AQP9: variants seen among roughly 807,000 people sequenced by gnomAD.
AQP9 encodes the protein aquaporin-9.
Under a neutral mutation model 23.8 loss-of-function variants are expected in AQP9, and 19 were observed. That is an observed-to-expected ratio of 0.80 (90% CI 0.56 to 1.17). The LOEUF (loss-of-function observed/expected upper bound fraction) is 1.17, where lower values mean the gene tolerates loss of function less well. AQP9 is among the 50% of genes most tolerant of loss of function. AQP9 has a pLI of 0.00. For synonymous variants in AQP9, 153 were observed against 131.5 expected, an observed-to-expected ratio of 1.16 and a Z score of -1.12; for missense variants, 413 against 362.0, an observed-to-expected ratio of 1.14 and a Z score of -1.14.
At chr15:58,169,508 G>A (rs1228461612) in intron 2 of AQP9, among the ~76,000 whole-genome samples, 1 of 152,136 alleles carries the variant, frequency 6.6e-6, no homozygotes, top group Non-Finnish European at 1.5e-5. Flanking sequence ...GATTGTGTGT[G>A]GGAGGTGACT....
At chr15:58,153,911 T>C (rs1447750476) in intron 1 of AQP9, 1 of 152,140 alleles carries the variant, frequency 6.6e-6, no homozygotes, top group Non-Finnish European at 1.5e-5. Context: ...CTGATTATTA[T>C]TAACAGAAAT....
At chr15:58,143,504 T>A (rs750978823) in intron 1 of AQP9, among the ~76,000 whole-genome samples, 3 of 152,224 alleles carry the variant, frequency 2.0e-5, no homozygotes, top group Non-Finnish European at 2.9e-5. Flanking sequence ...AGCAAGTGTG[T>A]GGTGGAGCTG....
intron 2 of AQP9, among the ~76,000 whole-genome samples, chr15:58,171,528 G>GGCTAGTGTACTGCAGTACACTAGCA (rs1898621538): frequency 6.6e-6 from 1 of 152,144 alleles, no homozygotes; most frequent in Non-Finnish European, 1.5e-5. Flanking sequence ...AGCCTTCCCT[G>GGCTAGTGTACTGCAGTACACTAGCA]GTAAGGTGTA....
intron 1 of AQP9, among the ~76,000 whole-genome samples, chr15:58,150,055 C>G (rs571400806): frequency 2.0e-5 from 3 of 152,310 alleles, no homozygotes; most frequent in African/African-American, 7.2e-5. Flanking sequence ...TCTTCCCAGA[C>G]CTTAAGACAG....
chr15:58,138,515 C>T lies in AQP9; in HGVS notation c.-51C>T. On this transcript the variant is annotated 5_prime_UTR_variant, in exon 1 of 6. Transcript: ENST00000219919. The stretch of plus-strand genomic sequence containing the variant: ...TTTCATCTGGCTGTGAAAGTGAGGA[C>T]CACAACAGGTAGGTATTGGTAGAAA... 6.8e-7 allele frequency: 1 copy of T among 1,477,900 alleles called. No homozygotes were observed. Among genetic ancestry groups the T allele is most frequent in the Non-Finnish European group, 9.4e-7 (1 of 1,069,088 alleles). 91.5% of individuals were successfully genotyped at this position (1,477,900 alleles called of 1,614,324 possible).
At chr15:58,161,113 G>A (rs972495681) in intron 1 of AQP9, among the ~76,000 whole-genome samples, 1 of 152,130 alleles carries the variant, frequency 6.6e-6, no homozygotes, top group African/African-American at 2.4e-5. Flanking sequence ...GCTTCATCTG[G>A]CATGGTCTCT....
intron 1 of AQP9, chr15:58,146,882 G>A (rs1898055358): frequency 6.6e-6 from 1 of 152,232 alleles, no homozygotes; most frequent in Middle Eastern, 3.2e-3. Flanking sequence ...TCTCCCAACT[G>A]TGACCGTAAA....
rs60401526 is a variant in AQP9 at position 58,143,832 on chromosome 15, C to T, written c.111+5156C>T. ...ACATGTCTCCTTGTACACATGTTCA[C>T]GAGTTTCTCTGGAGTATATACCTAG... On this transcript the variant is annotated intron_variant, in intron 1 of 5. Coordinates refer to ENST00000219919, the MANE Select transcript of AQP9 (RefSeq NM_020980.5). Among the ~76,000 whole-genome samples, 4 of 152,202 alleles carry T rather than the reference C, an allele frequency of 2.6e-5. No homozygotes were observed. The East Asian group carries it at 5.8e-4, about 22-fold the overall frequency.
intron 1 of AQP9, among the ~76,000 whole-genome samples, chr15:58,144,192 A>T (rs186973244): frequency 5.5e-4 from 83 of 151,874 alleles, no homozygotes; most frequent in Middle Eastern, 3.4e-3. Context: ...TTGTTATAGG[A>T]TATTTATATT....
intron 4 of AQP9, among the ~76,000 whole-genome samples, chr15:58,178,370 C>T (rs917898660): frequency 3.3e-5 from 5 of 152,062 alleles, no homozygotes; most frequent in African/African-American, 7.2e-5. Flanking sequence ...GTAAAAGCTT[C>T]CAGTTTTTCA....
chr15:58,156,583 A>G (rs1275705659), intron 1 of AQP9, among the ~76,000 whole-genome samples: 1 of 152,224 alleles, frequency 6.6e-6, no homozygotes, highest in South Asian at 2.1e-4. Context: ...CTCGCAGCCC[A>G]GTAACCACAG....
intron 3 of AQP9, among the ~76,000 whole-genome samples, chr15:58,173,995 T>C (rs1200719310): frequency 6.6e-6 from 1 of 152,030 alleles, no homozygotes; most frequent in Non-Finnish European, 1.5e-5. Context: ...AAATGGGTCA[T>C]GGAGGGCTGG....
Position 58,138,612 on chromosome 15 carries a change from T to C in AQP9, c.47T>C (p.Leu16Pro), listed in dbSNP as rs1259505160. The change falls in exon 1 of 6, where the codon CTG becomes CCG. Residue 16 changes from leucine (L) to proline (P), a missense_variant. Leu to Pro is a moderately conservative substitution (Grantham distance 98). Coordinates refer to ENST00000219919, the MANE Select transcript of AQP9 (RefSeq NM_020980.5). ...AEKGKSFKQR[L>P]VLKSSLAKET... Reference sequence around the variant, plus strand: ...AAGGGAAAAAGCTTCAAGCAGAGACTGGTCTTGAAGAGCAGCTTAGCGAAA... The same window carrying C: ...AAGGGAAAAAGCTTCAAGCAGAGACCGGTCTTGAAGAGCAGCTTAGCGAAA... The C allele has an allele frequency of 1.2e-6, 2 of 1,613,904 alleles. 1 individual carries two copies. Among genetic ancestry groups the C allele is most frequent in the Non-Finnish European group, 1.7e-6 (2 of 1,179,846 alleles).
intron 1 of AQP9, among the ~76,000 whole-genome samples, chr15:58,166,453 T>C (rs1417466539): frequency 1.3e-5 from 2 of 152,242 alleles, no homozygotes; most frequent in African/African-American, 4.8e-5. Flanking sequence ...ATCTGAGCAT[T>C]GTGCAGGTGC....
chr15:58,175,315 C>G (rs907454331), intron 4 of AQP9, among the ~76,000 whole-genome samples: 1 of 152,216 alleles, frequency 6.6e-6, no homozygotes, highest in African/African-American at 2.4e-5. Flanking sequence ...TCCCTGTAGA[C>G]ACAAATGGAC....
rs148948574 is a variant in AQP9, at chr15:58,165,287, G to A, written c.112-1386G>A. ...AATTGTTCTGTCTTTCCCAAGAACC[G>A]TCCTTCACCAAGTATTTCTTCAATG... On this transcript the variant is annotated intron_variant, in intron 1 of 5. Transcript: ENST00000219919. Among the ~76,000 whole-genome samples, 125 of 152,214 alleles carry A rather than the reference G, an allele frequency of 8.2e-4. 1 individual carries two copies. The East Asian group carries it at 0.016, about 19-fold the overall frequency.
chr15:58,145,963 G>T (rs1156652358), intron 1 of AQP9, among the ~76,000 whole-genome samples: 2 of 152,146 alleles, frequency 1.3e-5, no homozygotes, highest in Non-Finnish European at 2.9e-5. Flanking sequence ...TTTTTCCAAT[G>T]CCTCTGTTAT....
chr15:58,151,648 G>A (rs1269470902), intron 1 of AQP9: 4 of 151,720 alleles, frequency 2.6e-5, no homozygotes, highest in African/African-American at 9.7e-5. Flanking sequence ...AAAATACCTT[G>A]GGTTCACTAA....
Position 58,184,025 on chromosome 15 carries a change from C to T in AQP9, c.778C>T (p.Leu260Phe), listed in dbSNP as rs182216973. 304 of 1,614,138 alleles carry T rather than the reference C, an allele frequency of 1.9e-4. 1 individual carries two copies. In the Admixed American group the frequency reaches 5.0e-3, roughly 26 times the overall value. Residue 260 changes from leucine (L) to phenylalanine (F), a missense_variant, in exon 6 of 6, where the codon CTC becomes TTC. Physicochemically the swap from Leu to Phe is conservative, Grantham distance 22. Coordinates refer to ENST00000219919, the MANE Select transcript of AQP9 (RefSeq NM_020980.5). ...GPLVGAVIGG[L>F]IYVLVIEIHH... ...TTTGGTTGGTGCTGTCATTGGAGGCCTCATCTATGTTCTTGTCATTGAAAT... is the reference window on the plus strand; with the variant it reads ...TTTGGTTGGTGCTGTCATTGGAGGCTTCATCTATGTTCTTGTCATTGAAAT...
Sources: allele counts gnomAD v4.1 joint callset (sites outside exome capture counted in the v4.1 genomes callset), GRCh38; gene constraint gnomAD v4.1.1; transcripts MANE v1.5; gene names NCBI Gene and HGNC (gene_info 2026-07-23, HGNC 2026-07-21).